Variants in ARSB observed in about 807,000 individuals in gnomAD.
The protein encoded by ARSB is arylsulfatase B, also known as N-acetylgalactosamine-4-sulfatase.
ARSB carries 41 observed loss-of-function variants against 50.9 expected under a neutral mutation model. The observed-to-expected ratio is 0.81, with a 90% CI of 0.63 to 1.04. ARSB has a LOEUF of 1.04. Among genes scored for constraint, ARSB ranks in the 50% least tolerant of loss-of-function variants. The pLI, the probability that ARSB is intolerant of heterozygous loss-of-function variation, is 0.00. For missense variants in ARSB, 672 were observed against 693.3 expected (o/e 0.97, Z 0.35); for synonymous variants, 269 against 284.8 (o/e 0.94, Z 0.56).
chr5:78,862,817 C>A (rs1211903177), intron 5 of ARSB, among the ~76,000 whole-genome samples: 9 of 152,186 alleles, frequency 5.9e-5, no homozygotes, highest in African/African-American at 2.2e-4. Context: ...AGTGAACAGG[C>A]AACCTACAGA....
At chr5:78,846,870 G>A (rs11739786) in intron 5 of ARSB, among the ~76,000 whole-genome samples, 19,131 of 152,200 alleles carry the variant, frequency 0.13, 1,405 homozygotes, top group Middle Eastern at 0.21. Context: ...CATTCAGTGC[G>A]ATGTTTGCTA....
At chr5:78,955,560 G>A in intron 3 of ARSB, 58 bp from the exon 4 acceptor site, 1 of 1,371,458 alleles carries the variant, frequency 7.3e-7, no homozygotes, top group Non-Finnish European at 1.0e-6. Context: ...AAATATAGAA[G>A]GATAAGACAG....
At chr5:78,983,602 G>A (rs1753013749) in intron 1 of ARSB, among the ~76,000 whole-genome samples, 1 of 152,040 alleles carries the variant, frequency 6.6e-6, no homozygotes, top group Non-Finnish European at 1.5e-5. Flanking sequence ...CTAATTACAC[G>A]TAGCAGCCAA....
intron 6 of ARSB, among the ~76,000 whole-genome samples, chr5:78,782,507 AG>A (rs771571178): frequency 1.7e-4 from 26 of 152,254 alleles, no homozygotes; most frequent in Non-Finnish European, 3.4e-4. Context: ...CTATTCAGAC[AG>A]GATAACTATG....
At chr5:78,846,533 G>C (rs955153596) in intron 5 of ARSB, among the ~76,000 whole-genome samples, 6 of 151,822 alleles carry the variant, frequency 4.0e-5, no homozygotes, top group Non-Finnish European at 5.9e-5. Flanking sequence ...TTCATTTTTT[G>C]TGTGTTCTCT....
chr5:78,873,498 A>ATTT (rs71001133), intron 5 of ARSB, among the ~76,000 whole-genome samples: 1 of 93,214 alleles, frequency 1.1e-5, no homozygotes, highest in Non-Finnish European at 2.1e-5. Context: ...TAAAACTGTA[A>ATTT]TTTTTTTTTT....
At chr5:78,882,979 T>C (rs1421181273) in intron 5 of ARSB, 1 of 152,078 alleles carries the variant, frequency 6.6e-6, no homozygotes, top group Admixed American at 6.5e-5. Flanking sequence ...AGACGGGGTT[T>C]CACCATGTTG....
intron 4 of ARSB, among the ~76,000 whole-genome samples, chr5:78,952,197 ACTAT>A (rs140710015): frequency 0.3 from 45,612 of 151,898 alleles, 7,429 homozygotes; most frequent in Non-Finnish European, 0.37. Context: ...GAAATAGTCA[ACTAT>A]CTGTTTGAAA....
chr5:78,974,695 T>C (rs1460203455), intron 1 of ARSB, among the ~76,000 whole-genome samples: 1 of 152,216 alleles, frequency 6.6e-6, no homozygotes, highest in Non-Finnish European at 1.5e-5. Flanking sequence ...TCATTTGCAA[T>C]TTCCTGGCAG....
At chr5:78,968,223 C>T (rs1752286494) in intron 2 of ARSB, among the ~76,000 whole-genome samples, 2 of 147,212 alleles carry the variant, frequency 1.4e-5, no homozygotes. Context: ...TCTTCCCCCA[C>T]CCCCTTCAAA....
intron 2 of ARSB, among the ~76,000 whole-genome samples, chr5:78,966,639 C>A (rs1238745071): frequency 6.6e-6 from 1 of 152,164 alleles, no homozygotes; most frequent in Non-Finnish European, 1.5e-5. Flanking sequence ...TCATCTAAAT[C>A]CAGGTTAGGC....
At chr5:78,934,316 C>A (rs1000680211) in intron 4 of ARSB, among the ~76,000 whole-genome samples, 10 of 152,166 alleles carry the variant, frequency 6.6e-5, no homozygotes, top group Non-Finnish European at 1.5e-4. Context: ...GATAAGCATT[C>A]TGGATGTCAT....
At chr5:78,832,738 A>C (rs1184979795) in intron 6 of ARSB, among the ~76,000 whole-genome samples, 1 of 152,144 alleles carries the variant, frequency 6.6e-6, no homozygotes, top group East Asian at 1.9e-4. Context: ...CTTTAAAGAG[A>C]AGAGGGCCTT....
At chr5:78,805,383 AT>A (rs1233553502) in intron 6 of ARSB, among the ~76,000 whole-genome samples, 1 of 152,238 alleles carries the variant, frequency 6.6e-6, no homozygotes, top group Admixed American at 6.5e-5. Flanking sequence ...TATACCAAGT[AT>A]GTGAAAATTT....
intron 6 of ARSB, among the ~76,000 whole-genome samples, chr5:78,792,116 C>T (rs1008044340): frequency 1.8e-4 from 27 of 152,108 alleles, no homozygotes; most frequent in African/African-American, 5.6e-4. Context: ...TGGTGGCTCA[C>T]GCCTGTAATC....
intron 6 of ARSB, among the ~76,000 whole-genome samples, chr5:78,823,940 G>C (rs1397570421): frequency 6.6e-6 from 1 of 151,838 alleles, no homozygotes; most frequent in Non-Finnish European, 1.5e-5. Flanking sequence ...GTTGAAATGT[G>C]ATCCCCAATG....
Position 78,777,851 on chromosome 5 carries a change from C to G in ARSB, c.*2546G>C, listed in dbSNP as rs1281124325. 1 of 85,724 alleles carries G rather than the reference C, an allele frequency of 1.2e-5. No homozygotes were observed. Among genetic ancestry groups the G allele is most frequent in the Non-Finnish European group, 2.2e-5 (1 of 44,812 alleles). The allele number at this position is 85,724 out of a possible 1,614,324, so 5.3% of individuals were successfully genotyped here. On this transcript the variant is annotated 3_prime_UTR_variant, in exon 8 of 8. Coordinates refer to ENST00000264914, the MANE Select transcript of ARSB (RefSeq NM_000046.5). ...TGGGTGACAGAGCGAGACTCCATCT[C>G]AAAAAAAAAAAAAAAAAAAATTGGA... is the stretch of plus-strand genomic sequence containing the variant.
Position 78,777,742 on chromosome 5 carries a change from C to T in ARSB, c.*2655G>A, listed in dbSNP as rs1482879533. The T allele has an allele frequency of 6.7e-6, 1 of 149,774 alleles. No homozygotes were observed. The highest frequency in any genetic ancestry group is 1.5e-5 in the Non-Finnish European group (1 of 67,790). 9.3% of individuals were successfully genotyped at this position (149,774 alleles called of 1,614,324 possible). A position where few individuals can be genotyped will look rare whatever the true frequency, so the allele number is the denominator to read the frequency against. ...GTGGTGTATGCCTGTAATCCAGCTA[C>T]TTGGGAGGCTGAGGCAGGAGAATAG... On this transcript the variant is annotated 3_prime_UTR_variant, in exon 8 of 8. Coordinates refer to ENST00000264914, the MANE Select transcript of ARSB (RefSeq NM_000046.5).
At chr5:78,899,730 A>C (rs375372387) in intron 4 of ARSB, among the ~76,000 whole-genome samples, 4 of 152,270 alleles carry the variant, frequency 2.6e-5, no homozygotes, top group African/African-American at 9.6e-5. Context: ...GCTTTTCTGT[A>C]TTATCTTGGA....
Sources: allele counts gnomAD v4.1 joint callset (sites outside exome capture counted in the v4.1 genomes callset), GRCh38; gene constraint gnomAD v4.1.1; transcripts MANE v1.5; gene names NCBI Gene and HGNC (gene_info 2026-07-23, HGNC 2026-07-21).